SUGCT: variants seen among roughly 807,000 people sequenced by gnomAD.
The protein encoded by SUGCT is succinyl-CoA:glutarate-CoA transferase, also known as succinyl-CoA:glutarate CoA-transferase.
A neutral mutation model predicts 55.0 loss-of-function variants in SUGCT; 41 were observed. That is an observed-to-expected ratio of 0.74 (90% CI 0.58 to 0.97). The LOEUF (loss-of-function observed/expected upper bound fraction) is 0.97. SUGCT is among the 50% of genes least tolerant of loss of function. The probability of loss-of-function intolerance (pLI) is 0.00; values close to 1 mark genes in which losing one functional copy is unlikely to be tolerated. For synonymous variants in SUGCT, 187 were observed against 200.4 expected (o/e 0.93, Z 0.56); for missense variants, 568 against 547.8 (o/e 1.04, Z -0.37).
At chr7:40,845,105 G>T (rs372340217) in intron 13 of SUGCT, among the ~76,000 whole-genome samples, 136 of 151,998 alleles carry the variant, frequency 8.9e-4, no homozygotes, top group Middle Eastern at 3.4e-3. Context: ...CTTACTGATG[G>T]AATACTCATA....
At chr7:40,381,563 A>C (rs942399684) in intron 9 of SUGCT, among the ~76,000 whole-genome samples, 1 of 152,170 alleles carries the variant, frequency 6.6e-6, no homozygotes, top group East Asian at 1.9e-4. Context: ...AAACTATAAA[A>C]TTCAGTAACT....
rs75868549 is a variant in SUGCT at position 40,274,456 on chromosome 7, A to C, written c.577-57A>C. The C allele has an allele frequency of 3.1e-3, 4,882 of 1,560,638 alleles. 119 individuals carry two copies. The African/African-American group carries it at 0.059, about 19-fold the overall frequency. ...TTCACATTAGAAGATTTGAGAAATC[A>C]TATGATTCTTTTAATGTTTAATTAT... On this transcript the variant is annotated intron_variant, in intron 7 of 13. Coordinates refer to ENST00000335693, the MANE Select transcript of SUGCT (RefSeq NM_001193313.2).
chr7:40,448,950 G>A (rs12671233), intron 9 of SUGCT, among the ~76,000 whole-genome samples: 21,279 of 141,416 alleles, frequency 0.15, 2,986 homozygotes, highest in African/African-American at 0.39. Context: ...GTGTGTGTGT[G>A]TATATATATA....
intron 9 of SUGCT, among the ~76,000 whole-genome samples, chr7:40,419,056 T>G (rs1251187196): frequency 6.6e-6 from 1 of 152,192 alleles, no homozygotes; most frequent in Non-Finnish European, 1.5e-5. Flanking sequence ...AGAAATTCGC[T>G]ATAAAGTATG....
chr7:40,978,000 T>C, the SUGCT span, among the ~76,000 whole-genome samples: 5 of 152,198 alleles, frequency 3.3e-5, no homozygotes, highest in East Asian at 9.6e-4. Context: ...TGTTCGCCAT[T>C]GGCTCTCTTG....
At chr7:40,606,846 G>T (rs910141242) in intron 12 of SUGCT, among the ~76,000 whole-genome samples, 2 of 152,134 alleles carry the variant, frequency 1.3e-5, no homozygotes, top group Admixed American at 1.3e-4. Context: ...TATACATGAT[G>T]GAGCATCAGA....
chr7:40,324,244 A>ATATATATATATATATATAT lies in SUGCT; in HGVS notation c.816+7389_816+7390insTATATATATATATATATAT, dbSNP rs1562681042. On this transcript the variant is annotated intron_variant, in intron 9 of 13. Coordinates refer to ENST00000335693, the MANE Select transcript of SUGCT (RefSeq NM_001193313.2). ...AGATGATCATATATATAAATAAATA[A>ATATATATATATATATATAT]ATAAATAAATATATATATATTTATT... Among the ~76,000 whole-genome samples the ATATATATATATATATATAT allele has an allele frequency of 5.8e-4, 57 of 98,414 alleles. 1 individual carries two copies. Among genetic ancestry groups the ATATATATATATATATATAT allele is most frequent in the African/African-American group, 2.4e-3 (54 of 22,886 alleles). The allele number at this position is 98,414 out of a possible 152,430, so 64.6% of individuals were successfully genotyped here.
chr7:40,961,115 A>C, the SUGCT span, among the ~76,000 whole-genome samples: 59,008 of 151,948 alleles, frequency 0.39, 11,993 homozygotes, highest in Admixed American at 0.5. Context: ...CCTCCTCCAC[A>C]CTCAGCACCC....
chr7:40,679,411 G>A (rs1405688913), intron 12 of SUGCT, among the ~76,000 whole-genome samples: 1 of 152,076 alleles, frequency 6.6e-6, no homozygotes. Flanking sequence ...ATGAACACTT[G>A]CAGATACATT....
chr7:40,685,183 A>G (rs1342881531), intron 12 of SUGCT, among the ~76,000 whole-genome samples: 1 of 151,946 alleles, frequency 6.6e-6, no homozygotes, highest in East Asian at 1.9e-4. Flanking sequence ...TGAATTTAAC[A>G]ATTTTGACTT....
intron 13 of SUGCT, among the ~76,000 whole-genome samples, chr7:40,822,948 G>T (rs555396203): frequency 6.6e-6 from 1 of 152,084 alleles, no homozygotes; most frequent in African/African-American, 2.4e-5. Flanking sequence ...TATTCCGAAG[G>T]GATAGGTTAT....
intron 13 of SUGCT, among the ~76,000 whole-genome samples, chr7:40,762,851 A>G (rs1232558691): frequency 2.0e-5 from 3 of 151,066 alleles, no homozygotes; most frequent in Non-Finnish European, 4.4e-5. Flanking sequence ...TCTGTTGCCC[A>G]GGCTGGAGTG....
At chr7:40,703,153 C>T (rs1217330731) in intron 12 of SUGCT, among the ~76,000 whole-genome samples, 1 of 151,548 alleles carries the variant, frequency 6.6e-6, no homozygotes. Flanking sequence ...CAAACTCCGC[C>T]TCTCGGGTTC....
At chr7:40,925,282 A>G in the SUGCT span, among the ~76,000 whole-genome samples, 2 of 152,320 alleles carry the variant, frequency 1.3e-5, no homozygotes, top group East Asian at 1.9e-4. Flanking sequence ...ATCTTATGGG[A>G]TGAACCCACA....
At chr7:40,953,093 C>T in the SUGCT span, among the ~76,000 whole-genome samples, 1 of 152,228 alleles carries the variant, frequency 6.6e-6, no homozygotes. Context: ...TTACACCAAT[C>T]AGACGTAGAT....
intron 8 of SUGCT, among the ~76,000 whole-genome samples, chr7:40,281,064 A>T (rs1475037435): frequency 6.6e-6 from 1 of 152,222 alleles, no homozygotes; most frequent in African/African-American, 2.4e-5. Flanking sequence ...TGGTATAAAG[A>T]TGAAGATAAT....
intron 7 of SUGCT, among the ~76,000 whole-genome samples, chr7:40,260,436 G>A (rs1177627748): frequency 1.3e-5 from 2 of 152,224 alleles, no homozygotes; most frequent in East Asian, 3.9e-4. Context: ...ATAATCAGAA[G>A]CTGCTACATG....
intron 9 of SUGCT, among the ~76,000 whole-genome samples, chr7:40,364,123 A>G (rs1358976031): frequency 1.3e-5 from 2 of 150,722 alleles, no homozygotes; most frequent in Non-Finnish European, 3.0e-5. Flanking sequence ...TTTATCCGAG[A>G]CTAGGATTGA....
intron 8 of SUGCT, among the ~76,000 whole-genome samples, chr7:40,275,665 T>C (rs754162691): frequency 4.0e-4 from 61 of 152,182 alleles, no homozygotes; most frequent in Non-Finnish European, 4.9e-4. Context: ...TGCTAAATTT[T>C]AGAGGTGATG....
Sources: allele counts gnomAD v4.1 joint callset (sites outside exome capture counted in the v4.1 genomes callset), GRCh38; gene constraint gnomAD v4.1.1; transcripts MANE v1.5; gene names NCBI Gene and HGNC (gene_info 2026-07-23, HGNC 2026-07-21).